PIGK: variants seen among roughly 807,000 people sequenced by gnomAD.
PIGK encodes phosphatidylinositol glycan anchor biosynthesis class K, also known as GPI-anchor transamidase.
In PIGK, 42 loss-of-function variants were observed where a neutral mutation model predicts 50.6. That is an observed-to-expected ratio of 0.83 (90% CI 0.65 to 1.07). The LOEUF (loss-of-function observed/expected upper bound fraction) is 1.07. PIGK is among the 50% of genes least tolerant of loss of function. PIGK has a pLI of 0.00. For synonymous variants in PIGK, 151 were observed against 156.0 expected, an observed-to-expected ratio of 0.97 and a Z score of 0.24; for missense variants, 448 against 488.7, an observed-to-expected ratio of 0.92 and a Z score of 0.78.
At chr1:77,103,821 T>C (rs1411548753) in intron 10 of PIGK, among the ~76,000 whole-genome samples, 1 of 151,974 alleles carries the variant, frequency 6.6e-6, no homozygotes, top group African/African-American at 2.4e-5. Context: ...TTTGGCAGAG[T>C]TCTATTCTAT....
chr1:77,178,723 C>T (rs563614948), intron 3 of PIGK, among the ~76,000 whole-genome samples: 27 of 152,206 alleles, frequency 1.8e-4, no homozygotes, highest in Middle Eastern at 3.4e-3. Context: ...TAATAGTCTC[C>T]TTGGTGCGCT....
chr1:77,205,056 C>A (rs1217286108), intron 3 of PIGK, among the ~76,000 whole-genome samples: 2 of 152,156 alleles, frequency 1.3e-5, no homozygotes, highest in Non-Finnish European at 2.9e-5. Flanking sequence ...ACCTACTAAA[C>A]ATAATATACA....
intron 3 of PIGK, among the ~76,000 whole-genome samples, chr1:77,202,664 A>T (rs753020564): frequency 7.9e-5 from 12 of 152,322 alleles, no homozygotes; most frequent in South Asian, 2.1e-4. Context: ...TAAATTAGGA[A>T]GATTAATCTC....
chr1:77,146,181 A>C (rs1557805242), intron 9 of PIGK, among the ~76,000 whole-genome samples: 1 of 151,996 alleles, frequency 6.6e-6, no homozygotes, highest in South Asian at 2.1e-4. Flanking sequence ...CACAATACTC[A>C]AAAATTAATT....
intron 10 of PIGK, among the ~76,000 whole-genome samples, chr1:77,101,255 A>T (rs1221651954): frequency 1.3e-5 from 2 of 152,228 alleles, no homozygotes; most frequent in Non-Finnish European, 2.9e-5. Flanking sequence ...TTAAAAAAAT[A>T]GAAGTAAAGA....
chr1:77,120,900 G>T lies in PIGK; in HGVS notation c.1071+1375C>A, dbSNP rs539725282. The stretch of plus-strand genomic sequence containing the variant: ...AATCACAATCTAAAATTTTCACCAG[G>T]GTCAAAAATTTTTTATCTTGGAATT... On this transcript the variant is annotated intron_variant, in intron 10 of 10. Transcript: ENST00000370812. Among the ~76,000 whole-genome samples, 4 of 152,020 alleles carry T rather than the reference G, an allele frequency of 2.6e-5. No homozygotes were observed. The South Asian group carries it at 8.3e-4, about 32-fold the overall frequency.
intron 8 of PIGK, among the ~76,000 whole-genome samples, chr1:77,158,659 T>A (rs1655066666): frequency 6.6e-6 from 1 of 152,196 alleles, no homozygotes; most frequent in Admixed American, 6.5e-5. Context: ...GCAAAGAGAC[T>A]GGCAGTATTT....
At chr1:77,210,310 C>A (rs1656386968) in intron 2 of PIGK, 126 bp downstream of exon 2, 1 of 526,678 alleles carries the variant, frequency 1.9e-6, no homozygotes, top group Non-Finnish European at 3.3e-6. Context: ...ATAGCCAAAT[C>A]AAAATAAAGA....
At chr1:77,151,911 C>A (rs973476155) in intron 9 of PIGK, among the ~76,000 whole-genome samples, 4 of 152,104 alleles carry the variant, frequency 2.6e-5, no homozygotes, top group Non-Finnish European at 4.4e-5. Context: ...AATGTCCATA[C>A]TACCAGAAGA....
chr1:77,105,909 G>A (rs1653659034), intron 10 of PIGK, among the ~76,000 whole-genome samples: 1 of 152,162 alleles, frequency 6.6e-6, no homozygotes, highest in South Asian at 2.1e-4. Context: ...CTGAAGCTAG[G>A]CTGTCAGAAG....
intron 10 of PIGK, among the ~76,000 whole-genome samples, chr1:77,116,018 C>G (rs574948655): frequency 6.6e-6 from 1 of 152,222 alleles, no homozygotes; most frequent in East Asian, 1.9e-4. Context: ...TCCACCAAGA[C>G]AAGGTATTCA....
intron 2 of PIGK, among the ~76,000 whole-genome samples, chr1:77,209,878 G>A (rs1656377363): frequency 6.6e-6 from 1 of 151,996 alleles, no homozygotes; most frequent in South Asian, 2.1e-4. Context: ...TATATATGAA[G>A]AGGGAAAGGG....
chr1:77,143,907 T>C (rs1423093896), intron 9 of PIGK, among the ~76,000 whole-genome samples: 1 of 152,088 alleles, frequency 6.6e-6, no homozygotes, highest in Non-Finnish European at 1.5e-5. Context: ...CTCTCAATAA[T>C]ACTTAACACT....
At chr1:77,140,113 G>A (rs953161075) in intron 9 of PIGK, among the ~76,000 whole-genome samples, 2 of 152,106 alleles carry the variant, frequency 1.3e-5, no homozygotes, top group African/African-American at 2.4e-5. Context: ...GCTGGAGGTG[G>A]TGCCTGATGG....
intron 1 of PIGK, among the ~76,000 whole-genome samples, chr1:77,219,039 T>G (rs1656656186): frequency 2.0e-5 from 3 of 152,188 alleles, no homozygotes; most frequent in Admixed American, 2.0e-4. Context: ...AGCCTCTTGC[T>G]CGTATTTCAC....
intron 8 of PIGK, among the ~76,000 whole-genome samples, chr1:77,157,833 A>G (rs1375444151): frequency 6.6e-6 from 1 of 152,136 alleles, no homozygotes; most frequent in Non-Finnish European, 1.5e-5. Flanking sequence ...TGCTGTTCTC[A>G]TGACTGAATA....
intron 2 of PIGK, among the ~76,000 whole-genome samples, chr1:77,207,905 T>C (rs931225230): frequency 6.6e-6 from 1 of 152,152 alleles, no homozygotes; most frequent in Non-Finnish European, 1.5e-5. Context: ...TATAAAAATG[T>C]AAAATTCCAT....
rs373063442 is a variant in PIGK, at chr1:77,169,401, G to GA, written c.240-7dup. 2.5e-5 allele frequency: 39 copies of GA among 1,568,946 alleles called. No individual in the cohort carries two copies. The highest frequency in any genetic ancestry group is 4.0e-5 in the Admixed American group (2 of 49,470). ...CAAGCATTAGGACAATGTGACTAGG[G>GA]AAAAAAAATCCAGTAAATATATAAT... On this transcript the variant is annotated splice_polypyrimidine_tract_variant and splice_region_variant and intron_variant, in intron 3 of 10. Coordinates refer to ENST00000370812, the MANE Select transcript of PIGK (RefSeq NM_005482.3).
Position 77,122,362 on chromosome 1 carries a change from G to C in PIGK, c.987-3C>G. ...CATCCATCTGGTCTTCCTTATAGCT[G>C]GAAAAGATAATTTAAAAACACAGAG... is the stretch of plus-strand genomic sequence containing the variant. On this transcript the variant is annotated splice_region_variant and splice_polypyrimidine_tract_variant and intron_variant, in intron 9 of 10. Transcript: ENST00000370812. 6.4e-7 allele frequency: 1 copy of C among 1,555,670 alleles called. No individual in the cohort carries two copies. Among genetic ancestry groups the C allele is most frequent in the Non-Finnish European group, 8.8e-7 (1 of 1,130,264 alleles).
Sources: gnomAD v4.1 joint callset for allele counts (sites outside exome capture counted in the v4.1 genomes callset) on GRCh38, gnomAD v4.1.1 for gene constraint, MANE v1.5 for transcripts, NCBI Gene and HGNC (gene_info 2026-07-23, HGNC 2026-07-21) for gene names.